FAT3: variants seen among roughly 807,000 people sequenced by gnomAD.
FAT3 encodes FAT atypical cadherin 3, also known as protocadherin Fat 3.
In FAT3, 95 loss-of-function variants were observed where a neutral mutation model predicts 310.2. The observed-to-expected ratio is 0.31, with a 90% CI of 0.26 to 0.36. The LOEUF (loss-of-function observed/expected upper bound fraction) is 0.36. Among genes scored for constraint, FAT3 ranks in the 10% least tolerant of loss-of-function variants. The pLI is 1.00. For synonymous variants in FAT3, 2,314 were observed against 2,192.9 expected, an observed-to-expected ratio of 1.06 and a Z score of -1.54; for missense variants, 5,408 against 5,715.6, an observed-to-expected ratio of 0.95 and a Z score of 1.74.
chr11:92,796,977 G>A (rs2136174299), intron 9 of FAT3, among the ~76,000 whole-genome samples: 1 of 152,280 alleles, frequency 6.6e-6, no homozygotes, highest in East Asian at 1.9e-4. Context: ...TTATGTCTCA[G>A]GTTCTTGGTT....
chr11:92,528,728 C>A (rs1953965589), intron 3 of FAT3, among the ~76,000 whole-genome samples: 1 of 152,158 alleles, frequency 6.6e-6, no homozygotes, highest in Non-Finnish European at 1.5e-5. Flanking sequence ...CATTGGTCAT[C>A]CAGGCTGAAG....
chr11:92,251,372 G>A (rs1865134133), intron 1 of FAT3, among the ~76,000 whole-genome samples: 4 of 152,096 alleles, frequency 2.6e-5, no homozygotes, highest in Admixed American at 2.6e-4. Flanking sequence ...TATATATAGT[G>A]CATCCAATTA....
intron 3 of FAT3, among the ~76,000 whole-genome samples, chr11:92,583,519 C>T (rs1312938999): frequency 6.6e-6 from 1 of 151,992 alleles, no homozygotes; most frequent in East Asian, 1.9e-4. Context: ...AGCAAAACCG[C>T]AAAGTATAAA....
At chr11:92,689,431 CA>C (rs1943732608) in intron 3 of FAT3, among the ~76,000 whole-genome samples, 2 of 152,292 alleles carry the variant, frequency 1.3e-5, no homozygotes, top group East Asian at 3.9e-4. Context: ...CTAAAGATGG[CA>C]TCATTTCATA....
At chr11:92,880,533 C>G (rs1363464753) in intron 22 of FAT3, among the ~76,000 whole-genome samples, 198 bp from the exon 23 acceptor site, 1 of 151,848 alleles carries the variant, frequency 6.6e-6, no homozygotes, top group East Asian at 1.9e-4. Context: ...TTTTTGTGGG[C>G]TAGCAGGAAA....
In FAT3 at chr11:92,418,419, A is replaced by ACCC. The variant is rs1208826432; in HGVS notation, c.3292+63021_3292+63023dup. On this transcript the variant is annotated intron_variant, in intron 2 of 27. Coordinates refer to ENST00000525166, the MANE Select transcript of FAT3 (RefSeq NM_001367949.2). Reference sequence around the variant, plus strand: ...ACAAACTTCAGTGCAAAAGTTAAACACCCCCCCCACCCCCCCACACACACA... The same window carrying ACCC: ...ACAAACTTCAGTGCAAAAGTTAAACACCCCCCCCCCCACCCCCCCACACACACA... Among the ~76,000 whole-genome samples, 328 of 39,512 alleles carry ACCC rather than the reference A, an allele frequency of 8.3e-3. 1 individual carries two copies. The highest frequency in any genetic ancestry group is 0.016 in the East Asian group (10 of 616). The allele number at this position is 39,512 out of a possible 152,430, so 25.9% of individuals were successfully genotyped here. A position where few individuals can be genotyped will look rare whatever the true frequency, so the allele number is the denominator to read the frequency against.
At chr11:92,245,043 T>G (rs1208961177) in intron 1 of FAT3, among the ~76,000 whole-genome samples, 1 of 152,094 alleles carries the variant, frequency 6.6e-6, no homozygotes, top group Non-Finnish European at 1.5e-5. Flanking sequence ...CATGCACACA[T>G]GTGTTATTGC....
chr11:92,765,097 C>G lies in FAT3; in HGVS notation c.4195+8C>G, dbSNP rs187746288. On this transcript the variant is annotated splice_region_variant and intron_variant, in intron 6 of 27. Transcript: ENST00000525166. ...TGTGGTTTGACATAGTTGGTAAGTT[C>G]GAGTCTTACAGAGCAGTATCATGCA... 11 of 1,606,988 alleles carry G rather than the reference C, an allele frequency of 6.8e-6. No individual in the cohort carries two copies. Among genetic ancestry groups the G allele is most frequent in the Non-Finnish European group, 9.3e-6 (11 of 1,177,700 alleles).
chr11:92,545,832 C>T (rs908812988), intron 3 of FAT3, among the ~76,000 whole-genome samples: 3 of 152,194 alleles, frequency 2.0e-5, no homozygotes, highest in Non-Finnish European at 4.4e-5. Flanking sequence ...TTATGCTATA[C>T]AGCAAAGCCC....
intron 26 of FAT3, among the ~76,000 whole-genome samples, chr11:92,889,650 G>C (rs1949870977): frequency 6.6e-6 from 1 of 152,126 alleles, no homozygotes; most frequent in African/African-American, 2.4e-5. Context: ...AATAAAATTA[G>C]GGCCTGGCAT....
chr11:92,539,001 A>G (rs547282985), intron 3 of FAT3, among the ~76,000 whole-genome samples: 38 of 152,212 alleles, frequency 2.5e-4, no homozygotes, highest in African/African-American at 8.7e-4. Context: ...TTGCAGATAC[A>G]TCAGTTAACC....
At chr11:92,834,722 A>T in intron 14 of FAT3, 148 bp from the exon 15 acceptor site, 1 of 686,768 alleles carries the variant, frequency 1.5e-6, no homozygotes, top group Non-Finnish European at 2.4e-6. Context: ...AGACGTCTGT[A>T]ATACTTTCAG....
intron 2 of FAT3, among the ~76,000 whole-genome samples, chr11:92,450,469 C>T (rs1951326575): frequency 6.6e-6 from 1 of 151,958 alleles, no homozygotes; most frequent in African/African-American, 2.4e-5. Flanking sequence ...TATGAATGAG[C>T]TAGAGAGAGG....
intron 2 of FAT3, among the ~76,000 whole-genome samples, chr11:92,358,532 A>G (rs975548507): frequency 4.6e-5 from 7 of 152,088 alleles, no homozygotes; most frequent in African/African-American, 1.7e-4. Context: ...TCTGTATTAC[A>G]GGAAAAAAGG....
intron 22 of FAT3, among the ~76,000 whole-genome samples, chr11:92,870,467 C>A (rs948737572): frequency 3.3e-5 from 5 of 151,926 alleles, no homozygotes; most frequent in African/African-American, 1.2e-4. Flanking sequence ...CTCGGTAAAG[C>A]CTTAAAATTA....
intron 1 of FAT3, chr11:92,314,383 G>C (rs1947382258): frequency 1.5e-6 from 1 of 682,474 alleles, no homozygotes; most frequent in African/African-American, 2.0e-5. Flanking sequence ...GCCCCTCATT[G>C]CATGAAACAA....
chr11:92,488,839 AGCTCT>A (rs1952512122), intron 2 of FAT3, among the ~76,000 whole-genome samples: 1 of 152,132 alleles, frequency 6.6e-6, no homozygotes. Context: ...TTTGAATTTC[AGCTCT>A]GCCACTTACT....
chr11:92,640,480 C>T (rs1941919074), intron 3 of FAT3, among the ~76,000 whole-genome samples: 1 of 152,088 alleles, frequency 6.6e-6, no homozygotes. Context: ...TAATTACTGC[C>T]ATTATGACTA....
chr11:92,438,059 G>C (rs1950982759), intron 2 of FAT3, among the ~76,000 whole-genome samples: 1 of 152,170 alleles, frequency 6.6e-6, no homozygotes. Context: ...GCCTGCCTCT[G>C]CTGTACTGGC....
Sources: gnomAD v4.1 joint callset for allele counts (sites outside exome capture counted in the v4.1 genomes callset) on GRCh38, gnomAD v4.1.1 for gene constraint, MANE v1.5 for transcripts, NCBI Gene and HGNC (gene_info 2026-07-23, HGNC 2026-07-21) for gene names.